Variants in CREBBP observed in about 807,000 individuals in gnomAD.
CREBBP encodes the protein CREB binding lysine acetyltransferase.
A neutral mutation model predicts 265.0 loss-of-function variants in CREBBP; 19 were observed. The observed-to-expected ratio is 0.07, with a 90% CI of 0.05 to 0.11. The LOEUF (loss-of-function observed/expected upper bound fraction) is 0.11, where lower values mean the gene tolerates loss of function less well. Among genes scored for constraint, CREBBP ranks in the 10% least tolerant of loss-of-function variants. CREBBP has a pLI of 1.00. For missense variants in CREBBP, 2,525 were observed against 3,219.0 expected (o/e 0.78, Z 5.22); for synonymous variants, 1,457 against 1,223.7 (o/e 1.19, Z -3.98).
chr16:3,806,086 T>C (rs1022065544), intron 3 of CREBBP, among the ~76,000 whole-genome samples: 4 of 152,134 alleles, frequency 2.6e-5, no homozygotes, highest in Admixed American at 1.3e-4. Flanking sequence ...GGTGGGGCCA[T>C]GGACAGGTGC....
At chr16:3,815,528 C>A (rs541733850) in intron 2 of CREBBP, among the ~76,000 whole-genome samples, 4 of 117,694 alleles carry the variant, frequency 3.4e-5, no homozygotes, top group Non-Finnish European at 5.1e-5. Flanking sequence ...GAGACTCCAT[C>A]TCAAAAAAAA....
In CREBBP at chr16:3,826,924, C is replaced by T. The variant is rs142466950; in HGVS notation, c.799-16145G>A. Among the ~76,000 whole-genome samples, 91 of 152,148 alleles carry T rather than the reference C, an allele frequency of 6.0e-4. 1 individual carries two copies. In the East Asian group the frequency reaches 0.016, roughly 26 times the overall value. On this transcript the variant is annotated intron_variant, in intron 2 of 30. Transcript: ENST00000262367. ...GGTAAGAGGCTAACAATAGGAAGTG[C>T]GTGGATGGTGGGGAGGAGATAAAGA... is the stretch of plus-strand genomic sequence containing the variant.
intron 25 of CREBBP, 84 bp from the exon 26 acceptor site, chr16:3,738,756 T>C: frequency 1.1e-6 from 1 of 906,560 alleles, no homozygotes; most frequent in Non-Finnish European, 1.8e-6. Context: ...CCCTGGAAGT[T>C]TACTTTTTAG....
chr16:3,757,830 A>G lies in CREBBP; in HGVS notation c.3588T>C (p.Leu1196=). ...GTACCTTGCGTCCACAGCAATATCCAAGGGACTGCATGACAGGGTCAATTT... is the reference window on the plus strand; with the variant it reads ...GTACCTTGCGTCCACAGCAATATCCGAGGGACTGCATGACAGGGTCAATTT... The part of the protein sequence containing the change: ...EQEIDPVMQS[L]GYCCGRKYEF... Residue 1196 remains leucine, a synonymous_variant, in exon 18 of 31, where the codon CTT becomes CTC. Transcript: ENST00000262367. 6.2e-7 allele frequency: 1 copy of G among 1,614,190 alleles called. No individual in the cohort carries two copies. Among genetic ancestry groups the G allele is most frequent in the South Asian group, 1.1e-5 (1 of 91,078 alleles).
At chr16:3,839,498 T>C (rs1334942049) in intron 2 of CREBBP, among the ~76,000 whole-genome samples, 1 of 151,676 alleles carries the variant, frequency 6.6e-6, no homozygotes, top group African/African-American at 2.4e-5. Context: ...CTGGCCAACA[T>C]GGTGAAACCC....
intron 9 of CREBBP, among the ~76,000 whole-genome samples, 175 bp downstream of exon 9, chr16:3,778,525 G>C (rs974457391): frequency 1.3e-5 from 2 of 152,200 alleles, no homozygotes; most frequent in African/African-American, 4.8e-5. Context: ...CTAATCAAGA[G>C]AGTTCTGCAG....
chr16:3,769,966 G>T (rs2052959501), intron 14 of CREBBP, among the ~76,000 whole-genome samples: 1 of 152,100 alleles, frequency 6.6e-6, no homozygotes, highest in Non-Finnish European at 1.5e-5. Context: ...TGCCTCCCAG[G>T]CTCAAGCGAT....
intron 2 of CREBBP, among the ~76,000 whole-genome samples, chr16:3,814,269 G>T (rs1425722826): frequency 7.9e-6 from 1 of 126,524 alleles, no homozygotes; most frequent in Non-Finnish European, 1.7e-5. Flanking sequence ...GTGTGTGTGT[G>T]TTTGAGACAG....
At chr16:3,808,267 C>T (rs2053870950) in intron 3 of CREBBP, among the ~76,000 whole-genome samples, 1 of 152,200 alleles carries the variant, frequency 6.6e-6, no homozygotes, top group Non-Finnish European at 1.5e-5. Context: ...TACTGCTTCT[C>T]CTAATTACTC....
At chr16:3,817,176 T>C (rs2054054664) in intron 2 of CREBBP, among the ~76,000 whole-genome samples, 1 of 152,136 alleles carries the variant, frequency 6.6e-6, no homozygotes. Flanking sequence ...AGTCTGGCTA[T>C]AAAATGGGTC....
intron 2 of CREBBP, among the ~76,000 whole-genome samples, chr16:3,846,276 C>A (rs2054665889): frequency 6.6e-6 from 1 of 152,168 alleles, no homozygotes; most frequent in African/African-American, 2.4e-5. Flanking sequence ...AGACAACTTG[C>A]TTAACAGAAT....
At chr16:3,795,290 T>C (rs751826877) in intron 3 of CREBBP, among the ~76,000 whole-genome samples, 9 of 152,254 alleles carry the variant, frequency 5.9e-5, no homozygotes, top group Non-Finnish European at 7.3e-5. Flanking sequence ...GCAGGAAATT[T>C]GGAAAGCTAG....
At chr16:3,806,882 C>T (rs2053841350) in intron 3 of CREBBP, among the ~76,000 whole-genome samples, 1 of 152,118 alleles carries the variant, frequency 6.6e-6, no homozygotes, top group South Asian at 2.1e-4. Context: ...CAGTGCTGTC[C>T]CAATACCCTG....
intron 3 of CREBBP, 123 bp downstream of exon 3, chr16:3,810,480 G>T: frequency 8.7e-7 from 1 of 1,151,104 alleles, no homozygotes; most frequent in Non-Finnish European, 1.3e-6. Context: ...AGAAATCTGG[G>T]TTCTCTTCCT....
intron 16 of CREBBP, among the ~76,000 whole-genome samples, chr16:3,760,619 G>C (rs963688558): frequency 6.6e-6 from 1 of 151,782 alleles, no homozygotes; most frequent in African/African-American, 2.4e-5. Context: ...GGCCAGGTTG[G>C]TCTCAAACTC....
chr16:3,818,992 C>T (rs1240960302), intron 2 of CREBBP, among the ~76,000 whole-genome samples: 2 of 152,230 alleles, frequency 1.3e-5, no homozygotes, highest in Admixed American at 6.5e-5. Flanking sequence ...ATCACCTCCC[C>T]GCTTAACGCA....
At chr16:3,738,733 G>T (rs763537225) in intron 25 of CREBBP, 61 bp from the exon 26 acceptor site, 19 of 1,079,572 alleles carry the variant, frequency 1.8e-5, no homozygotes, top group African/African-American at 3.1e-5. Context: ...TCAAACACAA[G>T]CAACAAACAA....
intron 2 of CREBBP, among the ~76,000 whole-genome samples, chr16:3,845,995 A>C (rs2141467888): frequency 6.6e-6 from 1 of 152,286 alleles, no homozygotes; most frequent in Non-Finnish European, 1.5e-5. Flanking sequence ...TAAAACCTAA[A>C]AGCCATAAAG....
intron 8 of CREBBP, 144 bp downstream of exon 8, chr16:3,780,588 C>G: frequency 1.2e-6 from 1 of 824,338 alleles, no homozygotes; most frequent in African/African-American, 1.7e-5. Context: ...CTGCCTAGGG[C>G]TGCCAGAACT....
Sources: gnomAD v4.1 joint callset for allele counts (sites outside exome capture counted in the v4.1 genomes callset) on GRCh38, gnomAD v4.1.1 for gene constraint, MANE v1.5 for transcripts, NCBI Gene and HGNC (gene_info 2026-07-23, HGNC 2026-07-21) for gene names.